Variants in LOC400499 observed in about 807,000 individuals in gnomAD.
chr16:11,405,625 G>A, the LOC400499 span, among the ~76,000 whole-genome samples: 2 of 152,196 alleles, frequency 1.3e-5, no homozygotes, highest in Non-Finnish European at 2.9e-5. Context: ...GGACTGCTGG[G>A]GTGGGGAAGG....
the LOC400499 span, among the ~76,000 whole-genome samples, chr16:11,492,892 G>C: frequency 7.2e-5 from 11 of 152,190 alleles, no homozygotes; most frequent in Non-Finnish European, 1.5e-4. Context: ...AGGTGAAATT[G>C]TCAAGGGAGA....
At chr16:11,457,934 G>C in the LOC400499 span, among the ~76,000 whole-genome samples, 1 of 152,222 alleles carries the variant, frequency 6.6e-6, no homozygotes. Flanking sequence ...AGGCACGGTG[G>C]CTCACACCTG....
At chr16:11,474,070 G>C in the LOC400499 span, among the ~76,000 whole-genome samples, 1 of 152,204 alleles carries the variant, frequency 6.6e-6, no homozygotes, top group Non-Finnish European at 1.5e-5. Flanking sequence ...TGTTACCCAA[G>C]CTAGTCTTGA....
the LOC400499 span, among the ~76,000 whole-genome samples, chr16:11,483,700 T>C: frequency 7.5e-6 from 1 of 134,040 alleles, no homozygotes; most frequent in Middle Eastern, 3.7e-3. Flanking sequence ...ACCCTGTCTG[T>C]ACAACTTTTA....
the LOC400499 span, among the ~76,000 whole-genome samples, chr16:11,412,318 T>G: frequency 2.6e-5 from 4 of 152,182 alleles, 1 homozygote; most frequent in East Asian, 7.7e-4. Flanking sequence ...GCAGCATCCG[T>G]GGCCTCTATA....
the LOC400499 span, among the ~76,000 whole-genome samples, chr16:11,506,139 C>T: frequency 5.3e-5 from 8 of 152,088 alleles, no homozygotes; most frequent in African/African-American, 1.4e-4. Context: ...TGGGTTCAAG[C>T]GATTCTTCTG....
At chr16:11,476,219 C>A in the LOC400499 span, among the ~76,000 whole-genome samples, 1 of 151,904 alleles carries the variant, frequency 6.6e-6, no homozygotes, top group Non-Finnish European at 1.5e-5. Context: ...GGGAGATGGG[C>A]AGAGTCCCCA....
At chr16:11,519,788 C>T in the LOC400499 span, among the ~76,000 whole-genome samples, 2 of 151,860 alleles carry the variant, frequency 1.3e-5, no homozygotes, top group African/African-American at 4.8e-5. Flanking sequence ...TCACAGCAAC[C>T]TCCATCTCCC....
At chr16:11,384,476 G>T in the LOC400499 span, among the ~76,000 whole-genome samples, 1 of 152,200 alleles carries the variant, frequency 6.6e-6, no homozygotes, top group Non-Finnish European at 1.5e-5. Flanking sequence ...GACTCCTGGA[G>T]CCCAGGCCCT....
the LOC400499 span, among the ~76,000 whole-genome samples, chr16:11,503,384 C>G: frequency 1.3e-5 from 2 of 152,154 alleles, no homozygotes; most frequent in Admixed American, 6.5e-5. Context: ...AACCTTCCCT[C>G]CTGGTACCCC....
At chr16:11,516,964 C>CAA in the LOC400499 span, among the ~76,000 whole-genome samples, 1 of 152,188 alleles carries the variant, frequency 6.6e-6, no homozygotes, top group Non-Finnish European at 1.5e-5. Context: ...TATTTTGAAC[C>CAA]AAAGACTGTA....
At chr16:11,494,263 G>C in the LOC400499 span, among the ~76,000 whole-genome samples, 1 of 150,926 alleles carries the variant, frequency 6.6e-6, no homozygotes, top group South Asian at 2.1e-4. Context: ...CCACGCTCCA[G>C]ACCCCGCGGG....
the LOC400499 span, among the ~76,000 whole-genome samples, chr16:11,404,402 A>C: frequency 6.6e-5 from 10 of 152,054 alleles, no homozygotes. Context: ...GCTGGAATGC[A>C]CTGGCTCAAT....
the LOC400499 span, chr16:11,448,988 GATCT>G: frequency 6.6e-7 from 1 of 1,521,410 alleles, no homozygotes; most frequent in Non-Finnish European, 8.8e-7. Context: ...AGCAGTTCAG[GATCT>G]TACGGTCCCG....
chr16:11,420,257 T>C, the LOC400499 span, among the ~76,000 whole-genome samples: 1 of 151,856 alleles, frequency 6.6e-6, no homozygotes, highest in South Asian at 2.1e-4. Flanking sequence ...TGGAATACTA[T>C]GCAGCCATAA....
At chr16:11,497,332 G>A in the LOC400499 span, among the ~76,000 whole-genome samples, 3 of 152,306 alleles carry the variant, frequency 2.0e-5, no homozygotes, top group East Asian at 1.9e-4. Flanking sequence ...CACATTCAAT[G>A]TTTCCCTATA....
At chr16:11,460,183 A>AT in the LOC400499 span, 444 of 807,038 alleles carry the variant, frequency 5.5e-4, no homozygotes, top group Non-Finnish European at 6.4e-4. Context: ...AGAAAGCACT[A>AT]TTTTTTTTTA....
At chr16:11,452,550 G>C in the LOC400499 span, among the ~76,000 whole-genome samples, 1 of 152,232 alleles carries the variant, frequency 6.6e-6, no homozygotes, top group African/African-American at 2.4e-5. Flanking sequence ...CAAAGTGAAT[G>C]GGGATGGCAC....
At chr16:11,462,062 C>T in the LOC400499 span, 10 of 1,389,266 alleles carry the variant, frequency 7.2e-6, no homozygotes, top group East Asian at 2.2e-4. Context: ...ACTTGGGCCA[C>T]CACACCCTAA....
Sources: gnomAD v4.1 joint callset for allele counts (sites outside exome capture counted in the v4.1 genomes callset) on GRCh38, gnomAD v4.1.1 for gene constraint, MANE v1.5 for transcripts.